The following CCBE1 variants were observed in gnomAD, a reference collection of about 807,000 sequenced individuals.
The protein encoded by CCBE1 is collagen and calcium-binding EGF domain-containing protein 1.
CCBE1 carries 37 observed loss-of-function variants against 50.0 expected under a neutral mutation model. The observed-to-expected ratio is 0.74, with a 90% CI of 0.57 to 0.97. CCBE1 has a LOEUF of 0.97. Ranked by LOEUF, CCBE1 falls within the 50% of genes least tolerant of loss-of-function variation. The pLI is 0.00. For synonymous variants in CCBE1, 234 were observed against 203.7 expected, an observed-to-expected ratio of 1.15 and a Z score of -1.27; for missense variants, 538 against 523.8, an observed-to-expected ratio of 1.03 and a Z score of -0.26.
intron 2 of CCBE1, among the ~76,000 whole-genome samples, chr18:59,677,001 G>A (rs1333512221): frequency 2.0e-5 from 3 of 151,978 alleles, no homozygotes; most frequent in Non-Finnish European, 4.4e-5. Context: ...GACAGGGGCC[G>A]GGCCTCACAG....
chr18:59,665,833 G>A (rs1218820619), intron 2 of CCBE1, among the ~76,000 whole-genome samples: 1 of 152,180 alleles, frequency 6.6e-6, no homozygotes, highest in African/African-American at 2.4e-5. Context: ...AGCTATTACT[G>A]TCAGCTGAGA....
intron 7 of CCBE1, among the ~76,000 whole-genome samples, chr18:59,446,380 G>A (rs1910670881): frequency 6.6e-6 from 1 of 152,204 alleles, no homozygotes; most frequent in Non-Finnish European, 1.5e-5. Context: ...AGAGCACTAT[G>A]CTAGGAAGCA....
chr18:59,522,320 G>T (rs568804043), intron 2 of CCBE1, among the ~76,000 whole-genome samples: 2 of 151,958 alleles, frequency 1.3e-5, no homozygotes, highest in Non-Finnish European at 2.9e-5. Context: ...TTTTACCATC[G>T]GCTAATTGAC....
rs754807013 is a variant in CCBE1, at chr18:59,469,486, C to T, written c.387G>A (p.Lys129=). 6 of 1,614,238 alleles carry T rather than the reference C, an allele frequency of 3.7e-6. No homozygotes were observed. In the East Asian group the frequency reaches 1.1e-4, roughly 30 times the overall value. ...TTCCCAACACACCCAGACAGTATGGCTTCTCCCGCTTCCGGTGTCTCTCCC... is the reference window on the plus strand; with the variant it reads ...TTCCCAACACACCCAGACAGTATGGTTTCTCCCGCTTCCGGTGTCTCTCCC... The part of the protein sequence containing the change: ...YDRERHRKRE[K]PYCLDIDECA... The change falls in exon 4 of 11, where the codon AAG becomes AAA. Residue 129 remains lysine (K), a synonymous_variant. Coordinates refer to ENST00000439986, the MANE Select transcript of CCBE1 (RefSeq NM_133459.4).
At chr18:59,690,728 G>A (rs189742818) in intron 2 of CCBE1, among the ~76,000 whole-genome samples, 242 of 152,306 alleles carry the variant, frequency 1.6e-3, no homozygotes, top group Non-Finnish European at 2.9e-3. Context: ...CAATTACTCC[G>A]TATTGTTTCT....
Position 59,432,299 on chromosome 18 carries a change from C to G in CCBE1, c.*3609G>C, listed in dbSNP as rs763576703. On this transcript the variant is annotated 3_prime_UTR_variant, in exon 11 of 11. Coordinates refer to ENST00000439986, the MANE Select transcript of CCBE1 (RefSeq NM_133459.4). ...CAACAGCATATTTTTATTCCCATTG[C>G]TTTCCAAGAACAGAGGCAACTTATG... 2 of 152,082 alleles carry G rather than the reference C, an allele frequency of 1.3e-5. No homozygotes were observed. The highest frequency in any genetic ancestry group is 4.8e-5 in the African/African-American group (2 of 41,420). The allele number at this position is 152,082 out of a possible 1,614,324, so 9.4% of individuals were successfully genotyped here.
At chr18:59,664,085 G>T (rs1220504881) in intron 2 of CCBE1, among the ~76,000 whole-genome samples, 1 of 152,194 alleles carries the variant, frequency 6.6e-6, no homozygotes, top group South Asian at 2.1e-4. Flanking sequence ...TAGGATGCCA[G>T]CATGATTGGG....
intron 2 of CCBE1, among the ~76,000 whole-genome samples, chr18:59,613,021 T>C (rs2053593621): frequency 6.6e-6 from 1 of 151,978 alleles, no homozygotes; most frequent in African/African-American, 2.4e-5. Context: ...CTTTAAATCC[T>C]AAAGGAATTC....
chr18:59,518,806 G>A (rs996379221), intron 2 of CCBE1, among the ~76,000 whole-genome samples: 3 of 152,312 alleles, frequency 2.0e-5, no homozygotes, highest in East Asian at 1.9e-4. Context: ...GGCTACCAGA[G>A]TCTGCACACC....
chr18:59,684,246 C>T (rs1462351286), intron 2 of CCBE1, among the ~76,000 whole-genome samples: 3 of 152,064 alleles, frequency 2.0e-5, no homozygotes, highest in African/African-American at 7.2e-5. Flanking sequence ...GCCAGGAGTT[C>T]AAGACCAGCC....
chr18:59,636,316 C>CATTT (rs1403369433), intron 2 of CCBE1, among the ~76,000 whole-genome samples: 2 of 152,158 alleles, frequency 1.3e-5, no homozygotes, highest in Non-Finnish European at 2.9e-5. Flanking sequence ...GATAAAGAGT[C>CATTT]ATTTACATCT....
At position 59,498,359 on chromosome 18, in the gene CCBE1, G is replaced by A. The variant is rs117122938; in HGVS notation, c.213-18121C>T. Among the ~76,000 whole-genome samples the A allele has an allele frequency of 1.9e-3, 286 of 152,268 alleles. 7 individuals carry two copies. In the East Asian group the frequency reaches 0.043, roughly 23 times the overall value. ...GATTTGGGTGTTAATCAGAGTTTCC[G>A]TGAGTGTGTTTTATCAAAAGCTCAA... On this transcript the variant is annotated intron_variant, in intron 2 of 10. Transcript: ENST00000439986.
intron 2 of CCBE1, among the ~76,000 whole-genome samples, chr18:59,629,139 A>G (rs2053822474): frequency 6.6e-6 from 1 of 152,150 alleles, no homozygotes; most frequent in Non-Finnish European, 1.5e-5. Context: ...GGTGCCTGCA[A>G]TGGCTCATAA....
At chr18:59,674,814 C>T (rs571660054) in intron 2 of CCBE1, among the ~76,000 whole-genome samples, 37 of 152,242 alleles carry the variant, frequency 2.4e-4, no homozygotes, top group African/African-American at 8.7e-4. Context: ...TAACTGCTCT[C>T]ATAGGGAAAA....
intron 2 of CCBE1, among the ~76,000 whole-genome samples, chr18:59,509,097 C>T (rs928108128): frequency 2.0e-5 from 3 of 152,144 alleles, no homozygotes; most frequent in Admixed American, 1.3e-4. Flanking sequence ...TTTGAGACTA[C>T]AGTTTTTCTT....
intron 2 of CCBE1, among the ~76,000 whole-genome samples, chr18:59,573,286 T>C (rs1184786458): frequency 8.6e-6 from 1 of 116,366 alleles, no homozygotes; most frequent in Non-Finnish European, 1.7e-5. Flanking sequence ...CTCCGTCTAA[T>C]ATATATATAT....
At chr18:59,648,996 T>C (rs888106521) in intron 2 of CCBE1, among the ~76,000 whole-genome samples, 2 of 152,256 alleles carry the variant, frequency 1.3e-5, no homozygotes, top group Admixed American at 6.5e-5. Flanking sequence ...ACTGACACGC[T>C]TCAAACTAAC....
chr18:59,639,807 A>G (rs1338641615), intron 2 of CCBE1, among the ~76,000 whole-genome samples: 1 of 152,244 alleles, frequency 6.6e-6, no homozygotes, highest in Admixed American at 6.5e-5. Context: ...ATAGAAAAAA[A>G]GTTAATGTAT....
intron 2 of CCBE1, among the ~76,000 whole-genome samples, chr18:59,513,024 T>A (rs1391911388): frequency 6.6e-6 from 1 of 151,970 alleles, no homozygotes; most frequent in Non-Finnish European, 1.5e-5. Flanking sequence ...TTTAAGAAAA[T>A]TGAAAGAGCC....
Sources: gnomAD v4.1 joint callset for allele counts (sites outside exome capture counted in the v4.1 genomes callset) on GRCh38, gnomAD v4.1.1 for gene constraint, MANE v1.5 for transcripts, NCBI Gene and HGNC (gene_info 2026-07-23, HGNC 2026-07-21) for gene names.